The following RARB variants were observed in gnomAD, a reference collection of about 807,000 sequenced individuals.
The protein encoded by RARB is HBV-activated protein.
A neutral mutation model predicts 51.9 loss-of-function variants in RARB; 17 were observed. The observed-to-expected ratio is 0.33, with a 90% CI of 0.22 to 0.49. The LOEUF (loss-of-function observed/expected upper bound fraction) is 0.49. Among genes scored for constraint, RARB ranks in the 20% least tolerant of loss-of-function variants. RARB has a pLI of 0.99. For synonymous variants in RARB, 215 were observed against 195.4 expected, an observed-to-expected ratio of 1.10 and a Z score of -0.84; for missense variants, 369 against 550.8, an observed-to-expected ratio of 0.67 and a Z score of 3.30.
At chr3:25,150,164 G>A (rs1700260230) in intron 4 of RARB, among the ~76,000 whole-genome samples, 1 of 150,798 alleles carries the variant, frequency 6.6e-6, no homozygotes, top group South Asian at 2.1e-4. Flanking sequence ...TCGCATCACT[G>A]CACTCCAGCC....
intron 3 of RARB, among the ~76,000 whole-genome samples, chr3:25,504,495 A>G (rs1315648396): frequency 1.3e-5 from 2 of 152,104 alleles, no homozygotes; most frequent in African/African-American, 4.8e-5. Flanking sequence ...TCATGTGTCA[A>G]TATCTACAGC....
chr3:25,061,309 T>C (rs781564262), intron 3 of RARB, among the ~76,000 whole-genome samples: 10 of 151,908 alleles, frequency 6.6e-5, no homozygotes, highest in South Asian at 2.1e-4. Context: ...TATCAAAGTG[T>C]ACTGGGAAGA....
chr3:25,466,110 A>G (rs1227642200), intron 2 of RARB, among the ~76,000 whole-genome samples: 1 of 152,226 alleles, frequency 6.6e-6, no homozygotes, highest in East Asian at 1.9e-4. Context: ...TACTATGTAT[A>G]AAGCATATAG....
intron 2 of RARB, among the ~76,000 whole-genome samples, chr3:24,924,917 T>A (rs1006608163): frequency 4.4e-4 from 67 of 152,120 alleles, no homozygotes; most frequent in Admixed American, 4.3e-3. Context: ...AGATGATGCC[T>A]GGCACATAGA....
intron 5 of RARB, among the ~76,000 whole-genome samples, chr3:25,332,491 A>G (rs1473248852): frequency 6.6e-6 from 1 of 152,058 alleles, no homozygotes; most frequent in African/African-American, 2.4e-5. Flanking sequence ...CATGCTAAAA[A>G]CTCTCAATAA....
chr3:25,509,328 G>A (rs1697770731), intron 3 of RARB, among the ~76,000 whole-genome samples: 1 of 152,234 alleles, frequency 6.6e-6, no homozygotes, highest in African/African-American at 2.4e-5. Flanking sequence ...CACATAGTAA[G>A]TGCCGAATGA....
chr3:25,414,821 C>G (rs964338514), intron 5 of RARB, among the ~76,000 whole-genome samples: 5 of 152,148 alleles, frequency 3.3e-5, no homozygotes, highest in Admixed American at 2.6e-4. Flanking sequence ...ATTCTAGTTA[C>G]AAATCCATTA....
intron 2 of RARB, among the ~76,000 whole-genome samples, chr3:24,912,975 CT>C (rs386396163): frequency 1.7e-3 from 131 of 75,038 alleles, no homozygotes; most frequent in Admixed American, 6.1e-3. Context: ...GGTACTGATT[CT>C]TTTTTTTTTT....
At chr3:25,089,510 A>G (rs1699160209) in intron 3 of RARB, among the ~76,000 whole-genome samples, 1 of 152,146 alleles carries the variant, frequency 6.6e-6, no homozygotes, top group South Asian at 2.1e-4. Flanking sequence ...AAATTATGAA[A>G]AGAGTATGTT....
At chr3:25,348,960 C>T (rs1212743872) in intron 5 of RARB, among the ~76,000 whole-genome samples, 1 of 152,206 alleles carries the variant, frequency 6.6e-6, no homozygotes, top group African/African-American at 2.4e-5. Flanking sequence ...ATCTTGAAGA[C>T]TCCCCAGGTT....
At chr3:25,176,615 C>T (rs898674146) in intron 5 of RARB, among the ~76,000 whole-genome samples, 2 of 151,476 alleles carry the variant, frequency 1.3e-5, no homozygotes, top group African/African-American at 2.4e-5. Flanking sequence ...AGAATAGTCT[C>T]GATCTCTTGA....
intron 5 of RARB, among the ~76,000 whole-genome samples, chr3:25,234,803 G>T (rs1355060207): frequency 1.3e-5 from 2 of 152,110 alleles, no homozygotes; most frequent in Non-Finnish European, 2.9e-5. Context: ...AAATTATGAA[G>T]ATTTCATGCA....
At chr3:24,913,468 T>A (rs1437135831) in intron 2 of RARB, among the ~76,000 whole-genome samples, 2 of 150,498 alleles carry the variant, frequency 1.3e-5, no homozygotes, top group African/African-American at 4.9e-5. Context: ...AGCTCATACA[T>A]TTCTCTCAAT....
At position 25,597,721 on chromosome 3, in the gene RARB, G is replaced by C. The variant is rs1254376530; in HGVS notation, c.*1105G>C. On this transcript the variant is annotated 3_prime_UTR_variant, in exon 8 of 8. Transcript: ENST00000330688. Reference sequence around the variant, plus strand: ...GAAGCAGAGTGAAAGCTGTGGTAGAGTGGTTAACAGATACAAGTGTCAGTT... The same window carrying C: ...GAAGCAGAGTGAAAGCTGTGGTAGACTGGTTAACAGATACAAGTGTCAGTT... 1 of 152,574 alleles carries C rather than the reference G, an allele frequency of 6.6e-6. No homozygotes were observed. The highest frequency in any genetic ancestry group is 1.5e-5 in the Non-Finnish European group (1 of 68,030). 9.5% of individuals were successfully genotyped at this position (152,574 alleles called of 1,614,324 possible).
At chr3:25,283,609 G>T (rs1703577427) in intron 5 of RARB, among the ~76,000 whole-genome samples, 1 of 152,112 alleles carries the variant, frequency 6.6e-6, no homozygotes, top group Non-Finnish European at 1.5e-5. Context: ...GACCTTGCTG[G>T]GTCAGACTGA....
At chr3:25,215,519 TG>T (rs1476736129) in intron 5 of RARB, among the ~76,000 whole-genome samples, 2 of 152,148 alleles carry the variant, frequency 1.3e-5, no homozygotes, top group African/African-American at 4.8e-5. Context: ...TCATCTGTAT[TG>T]CCTCTCCAGA....
intron 5 of RARB, among the ~76,000 whole-genome samples, chr3:25,282,716 C>T (rs1703556247): frequency 6.6e-6 from 1 of 152,132 alleles, no homozygotes; most frequent in East Asian, 1.9e-4. Flanking sequence ...AGTTCAAGGT[C>T]ACACCACCAT....
intron 2 of RARB, among the ~76,000 whole-genome samples, chr3:25,029,777 G>A (rs181436821): frequency 3.9e-5 from 6 of 152,338 alleles, no homozygotes; most frequent in Non-Finnish European, 8.8e-5. Context: ...TTAGGAATGG[G>A]CAATGAGGGT....
At chr3:25,015,730 C>T (rs1259402897) in intron 2 of RARB, among the ~76,000 whole-genome samples, 2 of 152,104 alleles carry the variant, frequency 1.3e-5, no homozygotes, top group Admixed American at 6.6e-5. Context: ...TGTTTTTGGT[C>T]AGACAGGAAG....
Sources: allele counts gnomAD v4.1 joint callset (sites outside exome capture counted in the v4.1 genomes callset), GRCh38; gene constraint gnomAD v4.1.1; transcripts MANE v1.5; gene names NCBI Gene and HGNC (gene_info 2026-07-23, HGNC 2026-07-21).